The following KLK12 variants were observed in gnomAD, a reference collection of about 807,000 sequenced individuals.
KLK12 encodes the protein kallikrein-12.
In KLK12, 23 loss-of-function variants were observed where a neutral mutation model predicts 20.0. That is an observed-to-expected ratio of 1.15 (90% confidence interval 0.83 to 1.63). KLK12 has a LOEUF of 1.63. Among genes scored for constraint, KLK12 ranks in the 40% most tolerant of loss-of-function variants. The probability of loss-of-function intolerance (pLI) is 0.00; values close to 1 mark genes in which losing one functional copy is unlikely to be tolerated. For synonymous variants in KLK12, 147 were observed against 141.9 expected (o/e 1.04, Z -0.25); for missense variants, 351 against 338.6 (o/e 1.04, Z -0.29).
intron 3 of KLK12, 74 bp from the exon 4 acceptor site, chr19:51,032,209 C>G: frequency 8.5e-7 from 1 of 1,172,798 alleles, no homozygotes; most frequent in Non-Finnish European, 1.2e-6. Context: ...GACACTCAGG[C>G]GCTCCTGCCG....
rs377168545 is a variant in KLK12 at position 51,030,709 on chromosome 19, A to G, written c.591+79T>C. Reference sequence around the variant, plus strand: ...ATCCCCTTTCCCTGATTCATCCTCCATCAGTTCCCCTCCTGCTTCCAGCCC... The same window carrying G: ...ATCCCCTTTCCCTGATTCATCCTCCGTCAGTTCCCCTCCTGCTTCCAGCCC... On this transcript the variant is annotated intron_variant, in intron 5 of 5. Transcript: ENST00000684732. 3.4e-4 allele frequency: 533 copies of G among 1,576,936 alleles called. 7 individuals are homozygous for G. The South Asian group carries it at 5.5e-3, about 16-fold the overall frequency.
intron 5 of KLK12, 35 bp downstream of exon 5, chr19:51,030,753 C>T: frequency 6.2e-7 from 1 of 1,612,024 alleles, no homozygotes; most frequent in Non-Finnish European, 8.5e-7. Context: ...CACTTCCTGT[C>T]CTGGTGACCA....
At chr19:51,031,748 C>A in intron 4 of KLK12, 128 bp downstream of exon 4, 1 of 1,085,698 alleles carries the variant, frequency 9.2e-7, no homozygotes, top group Non-Finnish European at 1.4e-6. Flanking sequence ...AACCATGATC[C>A]TGATGTCCCA....
chr19:51,031,981 C>G lies in KLK12; in HGVS notation c.352G>C (p.Val118Leu), dbSNP rs147175192. The change falls in exon 4 of 6, where the codon GTC (valine) becomes CTC (leucine). Residue 118 changes from valine (V) to leucine (L), a missense_variant. Val to Leu is a conservative substitution (Grantham distance 32). Coordinates refer to ENST00000684732, the MANE Select transcript of KLK12 (RefSeq NM_001370125.1). Reference protein sequence around the residue: ...DLRLLRLRLPVRVTSSVQPLP... With the variant: ...DLRLLRLRLPLRVTSSVQPLP... The stretch of plus-strand genomic sequence containing the variant: ...GGTTGAACGCTGCTGGTTACGCGGA[C>G]GGGCAGGCGCAGCCGCAGCAGCCGG... 5.6e-6 allele frequency: 9 copies of G among 1,612,908 alleles called. No individual in the cohort carries two copies. The East Asian group carries it at 8.9e-5, about 16-fold the overall frequency.
intron 2 of KLK12, 127 bp from the exon 3 acceptor site, chr19:51,034,266 A>AAG: frequency 2.4e-6 from 3 of 1,239,092 alleles, no homozygotes; most frequent in Non-Finnish European, 3.4e-6. Flanking sequence ...AAGAGAGAGA[A>AAG]AGAGAGAGAG....
At chr19:51,030,102 T>C (rs1423421103) in intron 5 of KLK12, 1 of 157,190 alleles carries the variant, frequency 6.4e-6, no homozygotes, top group Non-Finnish European at 1.4e-5. Context: ...AACTGGAGGA[T>C]GGTATGGGAA....
intron 5 of KLK12, chr19:51,030,065 A>G (rs2091539823): frequency 1.2e-5 from 2 of 162,106 alleles, no homozygotes. Context: ...CGCCATCCTC[A>G]AATCTCTCTC....
chr19:51,032,767 G>A (rs763385653), intron 3 of KLK12, among the ~76,000 whole-genome samples: 1 of 152,028 alleles, frequency 6.6e-6, no homozygotes, highest in Non-Finnish European at 1.5e-5. Flanking sequence ...TATTCCCACC[G>A]CCTGGCACGG....
rs140620042 is a variant in KLK12, at chr19:51,034,977, C to T, written c.-191G>A. The T allele has an allele frequency of 1.9e-4, 228 of 1,177,324 alleles. No individual in the cohort carries two copies. In the East Asian group the frequency reaches 6.8e-3, roughly 35 times the overall value. The allele number at this position is 1,177,324 out of a possible 1,614,324, so 72.9% of individuals were successfully genotyped here. A position where few individuals can be genotyped will look rare whatever the true frequency, so the allele number is the denominator to read the frequency against. On this transcript the variant is annotated 5_prime_UTR_variant, in exon 1 of 6. Coordinates refer to ENST00000684732, the MANE Select transcript of KLK12 (RefSeq NM_001370125.1). Reference sequence around the variant, plus strand: ...TCAGCCACCTGTCATGTTGCTCAACCGGTCCCTTTCCTTCCATCTGTCGCT... The same window carrying T: ...TCAGCCACCTGTCATGTTGCTCAACTGGTCCCTTTCCTTCCATCTGTCGCT...
At chr19:51,032,496 C>T (rs1343574253) in intron 3 of KLK12, among the ~76,000 whole-genome samples, 2 of 151,530 alleles carry the variant, frequency 1.3e-5, no homozygotes, top group African/African-American at 4.9e-5. Flanking sequence ...AAGCAATTCA[C>T]CTGCCTCAGC....
At chr19:51,031,511 A>T (rs960931083) in intron 4 of KLK12, among the ~76,000 whole-genome samples, 3 of 151,200 alleles carry the variant, frequency 2.0e-5, no homozygotes, top group African/African-American at 4.9e-5. Flanking sequence ...ACCAGATTGT[A>T]CAACCTCTGG....
chr19:51,034,239 GAGAA>G lies in KLK12; in HGVS notation c.38-104_38-101del, dbSNP rs1167944767. The stretch of plus-strand genomic sequence containing the variant: ...AGAGAAACAGGCAGGAGAGAGAGAG[GAGAA>G]AGAGAGACGAGAAAGAGAGAGAAAG... On this transcript the variant is annotated intron_variant, in intron 2 of 5. Transcript: ENST00000684732. 1.7e-5 allele frequency: 23 copies of G among 1,346,472 alleles called. No individual in the cohort carries two copies. In the East Asian group the frequency reaches 1.8e-4, roughly 10 times the overall value. The allele number at this position is 1,346,472 out of a possible 1,614,324, so 83.4% of individuals were successfully genotyped here.
At chr19:51,034,743 CCT>C in intron 1 of KLK12, 61 bp downstream of exon 1, 1 of 1,536,104 alleles carries the variant, frequency 6.5e-7, no homozygotes, top group Middle Eastern at 2.3e-4. Context: ...ACCTGCTTGT[CCT>C]CTCTCTACCT....
chr19:51,034,090 C>T lies in KLK12; in HGVS notation c.87G>A (p.Gly29=), dbSNP rs1271079533. ...CCACCTGCCACGGCTGTGAGTTACGCCCACACTCAGTGCCATTGAAAATCT... is the reference window on the plus strand; with the variant it reads ...CCACCTGCCACGGCTGTGAGTTACGTCCACACTCAGTGCCATTGAAAATCT... ...TPKIFNGTEC[G]RNSQPWQVGL... Residue 29 remains glycine, a synonymous_variant, in exon 3 of 6, where the codon GGG becomes GGA. Transcript: ENST00000684732. 1 of 1,565,808 alleles carries T rather than the reference C, an allele frequency of 6.4e-7. No individual in the cohort carries two copies. Among genetic ancestry groups the T allele is most frequent in the Non-Finnish European group, 8.7e-7 (1 of 1,154,528 alleles).
chr19:51,029,122 T>A lies in KLK12; in HGVS notation c.*180A>T. 6.2e-7 allele frequency: 1 copy of A among 1,606,050 alleles called. No individual in the cohort carries two copies. The highest frequency in any genetic ancestry group is 8.5e-7 in the Non-Finnish European group (1 of 1,172,714). Reference sequence around the variant, plus strand: ...TCCTTCATTTATATTTATTCCAGACTATTGCACACTTCTCTCACCCCGCTC... The same window carrying A: ...TCCTTCATTTATATTTATTCCAGACAATTGCACACTTCTCTCACCCCGCTC... On this transcript the variant is annotated 3_prime_UTR_variant, in exon 6 of 6. Coordinates refer to ENST00000684732, the MANE Select transcript of KLK12 (RefSeq NM_001370125.1).
rs530305965 is a variant in KLK12, at chr19:51,033,484, C to T, written c.197+496G>A. Among the ~76,000 whole-genome samples, 5 of 152,206 alleles carry T rather than the reference C, an allele frequency of 3.3e-5. No individual in the cohort carries two copies. In the South Asian group the frequency reaches 1.0e-3, roughly 32 times the overall value. ...TACAAAAATTAGCTGGGCATGGTGG[C>T]GGGTGCCTGTAATCCCAGCTACTCA... On this transcript the variant is annotated intron_variant, in intron 3 of 5. Coordinates refer to ENST00000684732, the MANE Select transcript of KLK12 (RefSeq NM_001370125.1).
At position 51,032,087 on chromosome 19, in the gene KLK12, C is replaced by G; in HGVS notation, c.246G>C (p.Trp82Cys). The G allele has an allele frequency of 6.2e-7, 1 of 1,605,238 alleles. No homozygotes were observed. Among genetic ancestry groups the G allele is most frequent in the African/African-American group, 1.3e-5 (1 of 74,886 alleles). The change falls in exon 4 of 6, where the codon TGG becomes TGC. Residue 82 changes from tryptophan (W) to cysteine (C), a missense_variant. By Grantham distance (215) the Trp-to-Cys change is radical (BLOSUM62 -2). Transcript: ENST00000684732. ...LGEHSLSQLD[W>C]TEQIRHSGFS... ...AGCCGCTGTGCCGGATCTGCTCGGT[C>G]CAGTCGAGCTGGCTGAGGCTGTGTT...
Position 51,034,879 on chromosome 19 carries a change from G to C in KLK12, c.-93C>G. 1 of 1,376,762 alleles carries C rather than the reference G, an allele frequency of 7.3e-7. No individual in the cohort carries two copies. The highest frequency in any genetic ancestry group is 1.6e-5 in the South Asian group (1 of 63,332). The allele number at this position is 1,376,762 out of a possible 1,614,324, so 85.3% of individuals were successfully genotyped here. A position where few individuals can be genotyped will look rare whatever the true frequency, so the allele number is the denominator to read the frequency against. On this transcript the variant is annotated 5_prime_UTR_variant, in exon 1 of 6. Coordinates refer to ENST00000684732, the MANE Select transcript of KLK12 (RefSeq NM_001370125.1). ...CTGTCCTCGTCGCTGCTATCTCTCCGTCCACCTACCTGCCTGTCTTCTCAT... is the reference window on the plus strand; with the variant it reads ...CTGTCCTCGTCGCTGCTATCTCTCCCTCCACCTACCTGCCTGTCTTCTCAT...
At chr19:51,032,206 AG>A in intron 3 of KLK12, 71 bp from the exon 4 acceptor site, 1 of 993,692 alleles carries the variant, frequency 1.0e-6, no homozygotes, top group South Asian at 1.5e-5. Context: ...ACGGACACTC[AG>A]GCGCTCCTGC....
Sources: gnomAD v4.1 joint callset for allele counts (sites outside exome capture counted in the v4.1 genomes callset) on GRCh38, gnomAD v4.1.1 for gene constraint, MANE v1.5 for transcripts, NCBI Gene and HGNC (gene_info 2026-07-23, HGNC 2026-07-21) for gene names.